ADAM29: variants seen among roughly 807,000 people sequenced by gnomAD.
The protein encoded by ADAM29 is disintegrin and metalloproteinase domain-containing protein 29.
For missense variants in ADAM29, 969 were observed against 1,001.8 expected (o/e 0.97, Z 0.44); for synonymous variants, 367 against 342.3 (o/e 1.07, Z -0.80).
In ADAM29 at chr4:174,975,813, C is replaced by T. The variant is rs927947143; in HGVS notation, c.288C>T (p.Val96=). The T allele has an allele frequency of 6.2e-7, 1 of 1,614,112 alleles. No homozygotes were observed. Among genetic ancestry groups the T allele is most frequent in the Non-Finnish European group, 8.5e-7 (1 of 1,180,018 alleles). The change falls in exon 5 of 5, where the codon GTC becomes GTT. Residue 96 remains valine (V), a synonymous_variant. Transcript: ENST00000359240. ...QGAILEDQPF[V]QNNCYYHGYV... ...CTATCCTTGAGGACCAGCCATTTGT[C>T]CAGAATAACTGCTACTATCATGGTT...
chr4:174,930,209 C>T (rs1743782753), intron 2 of ADAM29, among the ~76,000 whole-genome samples: 1 of 152,132 alleles, frequency 6.6e-6, no homozygotes, highest in Non-Finnish European at 1.5e-5. Context: ...GGATTATAGG[C>T]GTGAGCCACC....
At chr4:174,967,634 T>C (rs1446242230) in intron 4 of ADAM29, among the ~76,000 whole-genome samples, 1 of 152,218 alleles carries the variant, frequency 6.6e-6, no homozygotes, top group Non-Finnish European at 1.5e-5. Flanking sequence ...GGAAAAGCAC[T>C]GGATATTTCC....
At chr4:174,937,175 T>G (rs1272966603) in intron 4 of ADAM29, among the ~76,000 whole-genome samples, 162 bp downstream of exon 4, 1 of 152,030 alleles carries the variant, frequency 6.6e-6, no homozygotes, top group Non-Finnish European at 1.5e-5. Context: ...TTGCCAATAA[T>G]TTCCATAGAG....
chr4:174,953,537 A>G (rs1183831658), intron 4 of ADAM29, among the ~76,000 whole-genome samples: 1 of 152,208 alleles, frequency 6.6e-6, no homozygotes, highest in South Asian at 2.1e-4. Context: ...ATATGAAGAC[A>G]CAAAACTGGC....
At chr4:174,972,207 T>G in intron 4 of ADAM29, among the ~76,000 whole-genome samples, 1 of 152,234 alleles carries the variant, frequency 6.6e-6, no homozygotes, top group Middle Eastern at 3.2e-3. Flanking sequence ...ATCTCTTCTT[T>G]CTTTGTTTGG....
intron 2 of ADAM29, among the ~76,000 whole-genome samples, chr4:174,925,789 G>A (rs1358749568): frequency 6.6e-6 from 1 of 152,208 alleles, no homozygotes; most frequent in Non-Finnish European, 1.5e-5. Context: ...AAGATAAAAT[G>A]CTAGATGAAA....
intron 2 of ADAM29, among the ~76,000 whole-genome samples, chr4:174,929,984 A>T (rs540055898): frequency 6.6e-6 from 1 of 152,250 alleles, no homozygotes; most frequent in South Asian, 2.1e-4. Context: ...GCTGGAGTGC[A>T]GTGGCCTGAT....
chr4:174,962,380 G>C (rs183504694), intron 4 of ADAM29, among the ~76,000 whole-genome samples: 4,465 of 151,708 alleles, frequency 0.029, 224 homozygotes, highest in African/African-American at 0.098. Flanking sequence ...GGCGTGGTGG[G>C]GGGCGCCTGT....
At chr4:174,932,644 A>G (rs900334761) in intron 3 of ADAM29, among the ~76,000 whole-genome samples, 2 of 152,214 alleles carry the variant, frequency 1.3e-5, no homozygotes, top group Admixed American at 6.5e-5. Context: ...AGACCATAGC[A>G]TAAGCCAAGT....
intron 4 of ADAM29, among the ~76,000 whole-genome samples, chr4:174,961,498 A>G (rs569555932): frequency 1.3e-5 from 2 of 152,158 alleles, no homozygotes; most frequent in African/African-American, 4.8e-5. Context: ...TAATGCTTTT[A>G]GTAATCATTT....
chr4:174,947,828 C>A (rs962642435), intron 4 of ADAM29, among the ~76,000 whole-genome samples: 10 of 152,164 alleles, frequency 6.6e-5, no homozygotes, highest in Non-Finnish European at 1.3e-4. Context: ...CTGTCTAATA[C>A]TGTCAATTGG....
At chr4:174,950,794 C>G (rs1026886790) in intron 4 of ADAM29, among the ~76,000 whole-genome samples, 2 of 152,158 alleles carry the variant, frequency 1.3e-5, no homozygotes, top group Non-Finnish European at 2.9e-5. Flanking sequence ...TGAGTAATTA[C>G]ATCATGGGGG....
At chr4:174,955,276 A>G (rs1425857872) in intron 4 of ADAM29, among the ~76,000 whole-genome samples, 3 of 152,096 alleles carry the variant, frequency 2.0e-5, no homozygotes, top group Non-Finnish European at 4.4e-5. Flanking sequence ...AAAGGAGAAG[A>G]AAACAACCCC....
At chr4:174,936,319 T>G (rs936311096) in intron 3 of ADAM29, among the ~76,000 whole-genome samples, 8 of 152,030 alleles carry the variant, frequency 5.3e-5, no homozygotes, top group African/African-American at 1.9e-4. Flanking sequence ...AAGTGCCTAA[T>G]TAAGATTTTG....
intron 4 of ADAM29, among the ~76,000 whole-genome samples, chr4:174,944,137 A>G (rs1041332855): frequency 6.6e-6 from 1 of 152,040 alleles, no homozygotes; most frequent in African/African-American, 2.4e-5. Context: ...GTAATAGCAA[A>G]ACTTTGAAAG....
intron 4 of ADAM29, among the ~76,000 whole-genome samples, chr4:174,963,781 C>G (rs1421403738): frequency 6.6e-6 from 1 of 152,128 alleles, no homozygotes; most frequent in Non-Finnish European, 1.5e-5. Context: ...CTCCTGGGTT[C>G]AAGCGATTCT....
intron 3 of ADAM29, 76 bp downstream of exon 3, chr4:174,931,250 G>C (rs1343919845): frequency 6.6e-6 from 1 of 152,136 alleles, no homozygotes; most frequent in Non-Finnish European, 1.5e-5. Context: ...CATGTGCGCA[G>C]ACATTTTCTA....
chr4:174,932,658 G>A (rs1322512364), intron 3 of ADAM29, among the ~76,000 whole-genome samples: 26 of 152,148 alleles, frequency 1.7e-4, no homozygotes, highest in Admixed American at 1.6e-3. Flanking sequence ...GCCAAGTAAG[G>A]ATTTTGAGTG....
In ADAM29 at chr4:174,973,776, C is replaced by G. The variant is rs530696197; in HGVS notation, c.-180-1570C>G. Among the ~76,000 whole-genome samples, 9 of 152,308 alleles carry G rather than the reference C, an allele frequency of 5.9e-5. No individual in the cohort carries two copies. In the South Asian group the frequency reaches 1.7e-3, roughly 28 times the overall value. On this transcript the variant is annotated intron_variant, in intron 4 of 4. Transcript: ENST00000359240. ...TGCCATCTGGGGCAGAAGGCCCTTT[C>G]TAGGCCATTCAAGTCATTGGGCCAC...
Sources: allele counts gnomAD v4.1 joint callset (sites outside exome capture counted in the v4.1 genomes callset), GRCh38; gene constraint gnomAD v4.1.1; transcripts MANE v1.5; gene names NCBI Gene and HGNC (gene_info 2026-07-23, HGNC 2026-07-21).